The following SLC4A10 variants were observed in gnomAD, a reference collection of about 807,000 sequenced individuals.
SLC4A10 encodes the protein solute carrier family 4 member 10.
In SLC4A10, 42 loss-of-function variants were observed where a neutral mutation model predicts 137.7. The observed-to-expected ratio is 0.30, with a 90% CI of 0.24 to 0.39. The LOEUF (loss-of-function observed/expected upper bound fraction) is 0.39, where lower values mean the gene tolerates loss of function less well. Ranked by LOEUF, SLC4A10 falls within the 10% of genes least tolerant of loss-of-function variation. SLC4A10 has a pLI of 1.00. For synonymous variants in SLC4A10, 474 were observed against 464.1 expected, an observed-to-expected ratio of 1.02 and a Z score of -0.27; for missense variants, 925 against 1,355.0, an observed-to-expected ratio of 0.68 and a Z score of 4.98.
intron 4 of SLC4A10, among the ~76,000 whole-genome samples, chr2:161,845,033 A>C (rs535991340): frequency 1.3e-5 from 2 of 152,224 alleles, no homozygotes; most frequent in African/African-American, 4.8e-5. Context: ...GTTCAAACAA[A>C]TGTCAGCAGA....
intron 15 of SLC4A10, among the ~76,000 whole-genome samples, chr2:161,937,396 C>T (rs1691769941): frequency 6.6e-6 from 1 of 152,128 alleles, no homozygotes; most frequent in Non-Finnish European, 1.5e-5. Context: ...CCATCTCTTC[C>T]TCCACCCCTT....
At chr2:161,924,200 T>C (rs1688663251) in intron 15 of SLC4A10, among the ~76,000 whole-genome samples, 1 of 152,202 alleles carries the variant, frequency 6.6e-6, no homozygotes, top group African/African-American at 2.4e-5. Flanking sequence ...TTTAACTTTT[T>C]GTAGTTTTAG....
intron 2 of SLC4A10, among the ~76,000 whole-genome samples, chr2:161,778,725 A>C (rs1186158495): frequency 6.6e-6 from 1 of 152,100 alleles, no homozygotes; most frequent in East Asian, 1.9e-4. Context: ...GAAAAAGTTA[A>C]AATAATAATA....
chr2:161,972,208 C>T (rs561599530), intron 23 of SLC4A10, among the ~76,000 whole-genome samples: 64 of 127,620 alleles, frequency 5.0e-4, no homozygotes, highest in African/African-American at 1.5e-3. Flanking sequence ...TTTCTCCTAT[C>T]TTGTCTTACT....
At chr2:161,922,323 A>G (rs1240181110) in intron 15 of SLC4A10, among the ~76,000 whole-genome samples, 1 of 152,152 alleles carries the variant, frequency 6.6e-6, no homozygotes, top group Non-Finnish European at 1.5e-5. Flanking sequence ...TTTTCCTCAT[A>G]ATATATTATG....
chr2:161,927,160 A>G (rs1176489955), intron 15 of SLC4A10, among the ~76,000 whole-genome samples: 1 of 152,206 alleles, frequency 6.6e-6, no homozygotes, highest in Non-Finnish European at 1.5e-5. Context: ...GTGTTTTCCA[A>G]CTTGGTTCCA....
At position 161,983,315 on chromosome 2, in the gene SLC4A10, T is replaced by C; in HGVS notation, c.*163T>C. 1 of 1,389,616 alleles carries C rather than the reference T, an allele frequency of 7.2e-7. No homozygotes were observed. The allele number at this position is 1,389,616 out of a possible 1,614,324, so 86.1% of individuals were successfully genotyped here. A position where few individuals can be genotyped will look rare whatever the true frequency, so the allele number is the denominator to read the frequency against. On this transcript the variant is annotated 3_prime_UTR_variant, in exon 27 of 27. Transcript: ENST00000446997. ...ACAATTATTAATAAAACTGCTTTGA[T>C]CATGTATTGTAAATTCTGTCCCTCA...
At chr2:161,886,996 G>A (rs1164050930) in intron 10 of SLC4A10, among the ~76,000 whole-genome samples, 2 of 151,702 alleles carry the variant, frequency 1.3e-5, no homozygotes, top group Non-Finnish European at 2.9e-5. Context: ...CTGTGTCCAT[G>A]TGTTCTCATT....
At chr2:161,739,126 A>G (rs1342442352) in intron 1 of SLC4A10, among the ~76,000 whole-genome samples, 2 of 152,078 alleles carry the variant, frequency 1.3e-5, no homozygotes, top group Non-Finnish European at 2.9e-5. Context: ...TGGGGGGAAC[A>G]TGATATGGGG....
At chr2:161,681,180 A>T (rs1277550581) in intron 1 of SLC4A10, among the ~76,000 whole-genome samples, 1 of 152,158 alleles carries the variant, frequency 6.6e-6, no homozygotes, top group Non-Finnish European at 1.5e-5. Flanking sequence ...AACAGAGAAC[A>T]TAGTGGACTC....
chr2:161,880,249 A>G (rs765544891), intron 9 of SLC4A10, among the ~76,000 whole-genome samples: 1 of 152,136 alleles, frequency 6.6e-6, no homozygotes, highest in Non-Finnish European at 1.5e-5. Context: ...CCTCTTCCAA[A>G]CATTGAATAC....
At chr2:161,664,318 T>C (rs1264835234) in intron 1 of SLC4A10, among the ~76,000 whole-genome samples, 1 of 152,008 alleles carries the variant, frequency 6.6e-6, no homozygotes, top group Non-Finnish European at 1.5e-5. Flanking sequence ...TCACCTGGGC[T>C]AACAAATAGT....
intron 15 of SLC4A10, 43 bp from the exon 16 acceptor site, chr2:161,942,749 A>T: frequency 6.7e-7 from 1 of 1,487,402 alleles, no homozygotes; most frequent in Non-Finnish European, 9.2e-7. Flanking sequence ...TACAGTCACA[A>T]AAAGCTACTT....
At chr2:161,904,219 A>G (rs1230390236) in intron 13 of SLC4A10, 41 bp downstream of exon 13, 3 of 1,532,560 alleles carry the variant, frequency 2.0e-6, no homozygotes, top group Non-Finnish European at 2.6e-6. Context: ...AACATAATCC[A>G]TTTTTAAGAT....
chr2:161,705,042 C>A (rs1037950428), intron 1 of SLC4A10, among the ~76,000 whole-genome samples: 14 of 151,518 alleles, frequency 9.2e-5, no homozygotes, highest in African/African-American at 3.4e-4. Flanking sequence ...GTATTTGAAG[C>A]AAGTCACTTT....
At chr2:161,757,590 G>A (rs1168421955) in intron 1 of SLC4A10, among the ~76,000 whole-genome samples, 1 of 152,098 alleles carries the variant, frequency 6.6e-6, no homozygotes, top group African/African-American at 2.4e-5. Flanking sequence ...GAGGCACAAA[G>A]AACTTGCTTA....
chr2:161,741,830 A>G (rs2047928265), intron 1 of SLC4A10, among the ~76,000 whole-genome samples: 1 of 152,158 alleles, frequency 6.6e-6, no homozygotes, highest in South Asian at 2.1e-4. Context: ...GAACATTCCA[A>G]TTGTACTCTC....
At position 161,709,914 on chromosome 2, in the gene SLC4A10, G is replaced by A. The variant is rs900532159; in HGVS notation, c.49-61059G>A. The A allele has an allele frequency of 4.0e-5, 6 of 151,688 alleles. No homozygotes were observed. The East Asian group carries it at 1.2e-3, about 29-fold the overall frequency. 9.4% of individuals were successfully genotyped at this position (151,688 alleles called of 1,614,324 possible). A position where few individuals can be genotyped will look rare whatever the true frequency, so the allele number is the denominator to read the frequency against. On this transcript the variant is annotated intron_variant, in intron 1 of 26. Coordinates refer to ENST00000446997, the MANE Select transcript of SLC4A10 (RefSeq NM_001178015.2). ...GTACTCCATATTAAATGATCAAAAA[G>A]AGAGAAATATATTGCAGCAGTTCTC...
chr2:161,894,842 A>C lies in SLC4A10; in HGVS notation c.1341+17A>C, dbSNP rs2063277934. On this transcript the variant is annotated intron_variant, in intron 11 of 26. Coordinates refer to ENST00000446997, the MANE Select transcript of SLC4A10 (RefSeq NM_001178015.2). ...CCTTCCCAGGTATGTATATTTGAAG[A>C]CATTCTTTGAAATTGAATTTTTTTT... 1.5e-6 allele frequency: 2 copies of C among 1,329,656 alleles called. No individual in the cohort carries two copies. Among genetic ancestry groups the C allele is most frequent in the African/African-American group, 3.0e-5 (2 of 66,042 alleles). 82.4% of individuals were successfully genotyped at this position (1,329,656 alleles called of 1,614,324 possible).
Sources: gnomAD v4.1 joint callset for allele counts (sites outside exome capture counted in the v4.1 genomes callset) on GRCh38, gnomAD v4.1.1 for gene constraint, MANE v1.5 for transcripts, NCBI Gene and HGNC (gene_info 2026-07-23, HGNC 2026-07-21) for gene names.